Variants in SCFD2 observed in about 807,000 individuals in gnomAD.
The protein encoded by SCFD2 is sec1 family domain containing 2.
Under a neutral mutation model 58.9 loss-of-function variants are expected in SCFD2, and 54 were observed. That is an observed-to-expected ratio of 0.92 (90% confidence interval 0.74 to 1.15). The LOEUF (loss-of-function observed/expected upper bound fraction) is 1.15, where lower values mean the gene tolerates loss of function less well. Ranked by LOEUF, SCFD2 falls within the 50% of genes most tolerant of loss-of-function variation. The pLI, the probability that SCFD2 is intolerant of heterozygous loss-of-function variation, is 0.00. For missense variants in SCFD2, 805 were observed against 836.6 expected (o/e 0.96, Z 0.47); for synonymous variants, 321 against 335.9 (o/e 0.96, Z 0.49).
At chr4:53,005,377 C>T (rs1276476912) in intron 5 of SCFD2, among the ~76,000 whole-genome samples, 2 of 152,152 alleles carry the variant, frequency 1.3e-5, no homozygotes, top group African/African-American at 2.4e-5. Context: ...GCTTGCCTCC[C>T]GGAGGTCAGG....
chr4:53,127,416 C>A (rs995579398), intron 5 of SCFD2, among the ~76,000 whole-genome samples: 2 of 152,164 alleles, frequency 1.3e-5, no homozygotes, highest in South Asian at 4.1e-4. Flanking sequence ...GCGCACCCCC[C>A]ACCCCAACCC....
rs147741699 is a variant in SCFD2 at position 52,979,714 on chromosome 4, A to C, written c.1562-58844T>G. 3.7e-3 allele frequency among the ~76,000 whole-genome samples: 571 copies of C among 152,286 alleles called. 4 individuals are homozygous for C. Among genetic ancestry groups the C allele is most frequent in the African/African-American group, 0.013 (533 of 41,558 alleles). On this transcript the variant is annotated intron_variant, in intron 5 of 8. Transcript: ENST00000401642. ...GAAACACACTTAATAGGACAAAATC[A>C]CTAATCTGAAATCATGTTTATTTTC...
intron 5 of SCFD2, among the ~76,000 whole-genome samples, chr4:53,048,075 G>A (rs1432377038): frequency 1.5e-4 from 23 of 152,150 alleles, no homozygotes; most frequent in Non-Finnish European, 2.1e-4. Context: ...TCTAGGCTAC[G>A]CGCAGTTGCT....
chr4:53,095,881 C>A (rs1056828788), intron 5 of SCFD2, among the ~76,000 whole-genome samples: 1 of 152,066 alleles, frequency 6.6e-6, no homozygotes. Context: ...ATCCCGACCC[C>A]ACAACAGGCC....
chr4:53,194,168 T>C (rs893202864), intron 4 of SCFD2, among the ~76,000 whole-genome samples: 1 of 152,180 alleles, frequency 6.6e-6, no homozygotes, highest in Non-Finnish European at 1.5e-5. Flanking sequence ...ACCTTCTTCA[T>C]TTAAAATACT....
intron 5 of SCFD2, among the ~76,000 whole-genome samples, chr4:53,078,651 A>T (rs1339604936): frequency 6.6e-6 from 1 of 152,190 alleles, no homozygotes; most frequent in Non-Finnish European, 1.5e-5. Context: ...ATTGCTAGCC[A>T]CACATTCCAG....
intron 4 of SCFD2, among the ~76,000 whole-genome samples, chr4:53,250,906 G>A (rs1380988996): frequency 6.6e-6 from 1 of 152,166 alleles, no homozygotes; most frequent in Non-Finnish European, 1.5e-5. Flanking sequence ...GAGCAGAACT[G>A]AAGGAAATAG....
intron 5 of SCFD2, among the ~76,000 whole-genome samples, chr4:52,953,873 C>CTTGTTGA: frequency 1.3e-5 from 2 of 152,260 alleles, no homozygotes; most frequent in Middle Eastern, 6.8e-3. Context: ...CAGATGGGCA[C>CTTGTTGA]TTGTTGATTC....
chr4:52,954,826 G>A (rs1720673680), intron 5 of SCFD2, among the ~76,000 whole-genome samples: 1 of 152,162 alleles, frequency 6.6e-6, no homozygotes, highest in Non-Finnish European at 1.5e-5. Context: ...GTGGGAAGAG[G>A]AGGGATTCTT....
At chr4:53,154,623 T>G (rs1315297879) in intron 4 of SCFD2, among the ~76,000 whole-genome samples, 1 of 152,354 alleles carries the variant, frequency 6.6e-6, no homozygotes, top group East Asian at 1.9e-4. Context: ...GCTTATAGGA[T>G]GTTGCCAGTG....
chr4:53,035,291 G>T (rs1480122204), intron 5 of SCFD2, among the ~76,000 whole-genome samples: 1 of 152,130 alleles, frequency 6.6e-6, no homozygotes, highest in East Asian at 1.9e-4. Flanking sequence ...ACTAAAACTG[G>T]ATCCCTTCCT....
intron 3 of SCFD2, among the ~76,000 whole-genome samples, chr4:53,289,745 G>A (rs1264162523): frequency 1.3e-5 from 2 of 152,024 alleles, no homozygotes; most frequent in Non-Finnish European, 1.5e-5. Context: ...ACCCATTTTA[G>A]CTTTAAGGAC....
chr4:52,916,415 C>CA (rs768694451), intron 6 of SCFD2, among the ~76,000 whole-genome samples: 2 of 152,182 alleles, frequency 1.3e-5, no homozygotes, highest in Non-Finnish European at 2.9e-5. Context: ...ACTAAAAATA[C>CA]AAAAACAATG....
chr4:53,089,814 C>G (rs1451362251), intron 5 of SCFD2, among the ~76,000 whole-genome samples: 1 of 152,144 alleles, frequency 6.6e-6, no homozygotes, highest in African/African-American at 2.4e-5. Flanking sequence ...GAATCTACAT[C>G]TGGACTAAAT....
chr4:52,893,355 T>G (rs766525468), intron 7 of SCFD2, among the ~76,000 whole-genome samples: 30 of 152,100 alleles, frequency 2.0e-4, no homozygotes, highest in Admixed American at 3.9e-4. Context: ...ACAGGAGCAC[T>G]ACTGCACCCT....
intron 5 of SCFD2, among the ~76,000 whole-genome samples, chr4:53,071,477 T>A (rs1723812891): frequency 6.6e-6 from 1 of 152,178 alleles, no homozygotes; most frequent in South Asian, 2.1e-4. Flanking sequence ...TTAATGTTTG[T>A]ACTTTGTAAT....
In SCFD2 at chr4:52,873,770, C is replaced by A. The variant is rs1560466304; in HGVS notation, c.*199G>T. 1.8e-5 allele frequency: 6 copies of A among 332,440 alleles called. No homozygotes were observed. Among genetic ancestry groups the A allele is most frequent in the Non-Finnish European group, 2.7e-5 (5 of 185,614 alleles). The allele number at this position is 332,440 out of a possible 1,614,324, so 20.6% of individuals were successfully genotyped here. On this transcript the variant is annotated 3_prime_UTR_variant, in exon 9 of 9. Transcript: ENST00000401642. The stretch of plus-strand genomic sequence containing the variant: ...TGTCGCCTTCAGGAAAATAAAAAAA[C>A]TTTTTTTTTTTTTTTTTAAGAATCA...
At chr4:52,982,467 A>T (rs1721397807) in intron 5 of SCFD2, among the ~76,000 whole-genome samples, 1 of 152,218 alleles carries the variant, frequency 6.6e-6, no homozygotes, top group Non-Finnish European at 1.5e-5. Context: ...TTTGAATTAC[A>T]GCTATTACTG....
chr4:53,170,306 G>A (rs1205813741), intron 4 of SCFD2, among the ~76,000 whole-genome samples: 6 of 152,172 alleles, frequency 3.9e-5, no homozygotes, highest in Non-Finnish European at 2.9e-5. Context: ...TTCCCACTGT[G>A]TGGATTGGGC....
Sources: allele counts gnomAD v4.1 joint callset (sites outside exome capture counted in the v4.1 genomes callset), GRCh38; gene constraint gnomAD v4.1.1; transcripts MANE v1.5; gene names NCBI Gene and HGNC (gene_info 2026-07-23, HGNC 2026-07-21).